Variants in WBP1L observed in about 807,000 individuals in gnomAD.
The protein encoded by WBP1L is WW domain binding protein 1-like.
Under a neutral mutation model 33.7 loss-of-function variants are expected in WBP1L, and 17 were observed. The ratio of observed to expected loss-of-function variants is 0.50; its 90% CI spans 0.34 to 0.76. WBP1L has a LOEUF of 0.76. Among genes scored for constraint, WBP1L ranks in the 30% least tolerant of loss-of-function variants. The pLI, the probability that WBP1L is intolerant of heterozygous loss-of-function variation, is 0.01. For missense variants in WBP1L, 389 were observed against 469.4 expected, an observed-to-expected ratio of 0.83 and a Z score of 1.58; for synonymous variants, 173 against 190.8, an observed-to-expected ratio of 0.91 and a Z score of 0.77.
chr10:102,772,558 CTTTTTTTTTTTTTTTTTT>C (rs34624231), intron 1 of WBP1L, among the ~76,000 whole-genome samples: 2 of 64,714 alleles, frequency 3.1e-5, no homozygotes, highest in African/African-American at 5.8e-5. Flanking sequence ...ATGCCCGGCC[CTTTTTTTTTTTTTTTTTT>C]TTTTTTTTTT....
At chr10:102,807,307 GC>G (rs1328107564) in intron 2 of WBP1L, among the ~76,000 whole-genome samples, 1 of 101,944 alleles carries the variant, frequency 9.8e-6, no homozygotes, top group Non-Finnish European at 2.4e-5. Context: ...GAACAAAGGA[GC>G]AGGTACTGTC....
chr10:102,784,798 C>T (rs532553476), intron 1 of WBP1L, among the ~76,000 whole-genome samples: 235 of 151,860 alleles, frequency 1.5e-3, no homozygotes, highest in African/African-American at 5.0e-3. Context: ...TGGGCTCAAG[C>T]AGTCCTCCCA....
At chr10:102,766,134 T>C (rs1843104860) in intron 1 of WBP1L, among the ~76,000 whole-genome samples, 1 of 151,926 alleles carries the variant, frequency 6.6e-6, no homozygotes, top group African/African-American at 2.4e-5. Context: ...ACCCTGCCTC[T>C]ATAAAGATTA....
At chr10:102,779,073 G>A (rs1324438044) in intron 1 of WBP1L, among the ~76,000 whole-genome samples, 1 of 151,790 alleles carries the variant, frequency 6.6e-6, no homozygotes, top group Non-Finnish European at 1.5e-5. Context: ...TAGACTGTGC[G>A]GCTCAATGTC....
chr10:102,813,275 A>G lies in WBP1L; in HGVS notation c.1036A>G (p.Asn346Asp), dbSNP rs1843876832. The change falls in exon 4 of 4, where the codon AAC becomes GAC. Residue 346 changes from asparagine (N) to aspartate (D), a missense_variant. By Grantham distance (23) the Asn-to-Asp change is conservative (BLOSUM62 1). Coordinates refer to ENST00000448841, the MANE Select transcript of WBP1L (RefSeq NM_001083913.2). ...LPRPPACLLL[N>D]TINEQDSPNS... is the part of the protein sequence containing the mutation. ...ACGGCCGCCCGCATGCCTGCTGCTG[A>G]ACACCATCAACGAGCAGGACTCTCC... 1 of 1,612,836 alleles carries G rather than the reference A, an allele frequency of 6.2e-7. No homozygotes were observed. The highest frequency in any genetic ancestry group is 1.1e-5 in the South Asian group (1 of 91,060).
intron 1 of WBP1L, chr10:102,776,506 T>C: frequency 6.4e-7 from 1 of 1,563,142 alleles, no homozygotes; most frequent in Non-Finnish European, 8.8e-7. Flanking sequence ...AGGGAATATT[T>C]TAGCAAATGC....
chr10:102,814,445 C>T lies in WBP1L; in HGVS notation c.*1114C>T, dbSNP rs1484428665. On this transcript the variant is annotated 3_prime_UTR_variant, in exon 4 of 4. Coordinates refer to ENST00000448841, the MANE Select transcript of WBP1L (RefSeq NM_001083913.2). ...GAGAAAGGGCCCCTGTAGCCTGGCT[C>T]TCACACAGTATTTTATCTTTGATTC... 1.3e-5 allele frequency: 2 copies of T among 152,120 alleles called. No individual in the cohort carries two copies. The highest frequency in any genetic ancestry group is 2.9e-5 in the Non-Finnish European group (2 of 67,990). 9.4% of individuals were successfully genotyped at this position (152,120 alleles called of 1,614,324 possible).
At chr10:102,768,899 A>C (rs1410720520) in intron 1 of WBP1L, among the ~76,000 whole-genome samples, 1 of 151,712 alleles carries the variant, frequency 6.6e-6, no homozygotes, top group East Asian at 1.9e-4. Flanking sequence ...CGTGTTAGCC[A>C]GGATGGTCTT....
chr10:102,769,995 T>G (rs909297066), intron 1 of WBP1L, among the ~76,000 whole-genome samples: 2 of 152,222 alleles, frequency 1.3e-5, no homozygotes, highest in Non-Finnish European at 1.5e-5. Flanking sequence ...GCAGGCCTGC[T>G]ACATGCCTGC....
chr10:102,802,864 C>G lies in WBP1L; in HGVS notation c.193+4769C>G, dbSNP rs17115042. Among the ~76,000 whole-genome samples, 1,198 of 152,258 alleles carry G rather than the reference C, an allele frequency of 7.9e-3. 11 individuals are homozygous for G. Among genetic ancestry groups the G allele is most frequent in the African/African-American group, 0.028 (1,148 of 41,538 alleles). On this transcript the variant is annotated intron_variant, in intron 2 of 3. Transcript: ENST00000448841. ...TTGAAAGGAAATTTTAAAGGAAACC[C>G]TGCCCATCTATGGTTAAGCCTGTAA...
intron 1 of WBP1L, among the ~76,000 whole-genome samples, chr10:102,752,091 C>T (rs560229855): frequency 3.3e-5 from 5 of 152,254 alleles, no homozygotes; most frequent in African/African-American, 1.2e-4. Context: ...GAATTTTGTC[C>T]TTCCAGAGGA....
intron 1 of WBP1L, chr10:102,776,115 T>C: frequency 7.5e-7 from 1 of 1,335,752 alleles, no homozygotes. Context: ...CTGATGTCAT[T>C]TCCCCCTTGG....
chr10:102,750,730 T>C (rs1382370657), intron 1 of WBP1L, among the ~76,000 whole-genome samples: 1 of 152,000 alleles, frequency 6.6e-6, no homozygotes. Flanking sequence ...CTCGATCTCC[T>C]GACCTTGTGA....
intron 1 of WBP1L, among the ~76,000 whole-genome samples, chr10:102,777,210 C>G (rs1470577419): frequency 1.3e-5 from 2 of 152,116 alleles, no homozygotes; most frequent in Non-Finnish European, 2.9e-5. Context: ...AGAGGCATGT[C>G]TGTATCGGAA....
intron 1 of WBP1L, among the ~76,000 whole-genome samples, chr10:102,785,525 T>G (rs139816227): frequency 1.0e-3 from 159 of 152,288 alleles, no homozygotes; most frequent in African/African-American, 3.5e-3. Context: ...AACGGTGCCA[T>G]GTAGGCATAG....
chr10:102,777,622 T>A (rs979108403), intron 1 of WBP1L, among the ~76,000 whole-genome samples: 1 of 128,966 alleles, frequency 7.8e-6, no homozygotes, highest in East Asian at 2.8e-4. Context: ...CAGGCTGGAG[T>A]GTAGTGGCGT....
At chr10:102,792,541 G>A (rs894849336) in intron 1 of WBP1L, among the ~76,000 whole-genome samples, 1 of 150,252 alleles carries the variant, frequency 6.7e-6, no homozygotes, top group East Asian at 1.9e-4. Flanking sequence ...CGTTTTCTCT[G>A]CCTGCGATGT....
In WBP1L at chr10:102,784,940, G is replaced by A. The variant is rs192315897; in HGVS notation, c.91-13053G>A. On this transcript the variant is annotated intron_variant, in intron 1 of 3. Coordinates refer to ENST00000448841, the MANE Select transcript of WBP1L (RefSeq NM_001083913.2). ...TACCTGGGCTGGAGTGCAATGGCACGATCTCAGGTCACTGCAACCTCCGCC... is the reference window on the plus strand; with the variant it reads ...TACCTGGGCTGGAGTGCAATGGCACAATCTCAGGTCACTGCAACCTCCGCC... Among the ~76,000 whole-genome samples the A allele has an allele frequency of 5.5e-3, 825 of 149,798 alleles. 8 individuals carry two copies. The highest frequency in any genetic ancestry group is 6.1e-3 in the Non-Finnish European group (411 of 67,720).
At chr10:102,754,824 C>T (rs1842956194) in intron 1 of WBP1L, among the ~76,000 whole-genome samples, 2 of 152,144 alleles carry the variant, frequency 1.3e-5, no homozygotes, top group Admixed American at 1.3e-4. Context: ...CCTGCCTCTG[C>T]CTCCCAAGTA....
Sources: allele counts gnomAD v4.1 joint callset (sites outside exome capture counted in the v4.1 genomes callset), GRCh38; gene constraint gnomAD v4.1.1; transcripts MANE v1.5; gene names NCBI Gene and HGNC (gene_info 2026-07-23, HGNC 2026-07-21).